The following RTN4 variants were observed in gnomAD, a reference collection of about 807,000 sequenced individuals.
RTN4 encodes the protein reticulon-4.
RTN4 carries 32 observed loss-of-function variants against 90.4 expected under a neutral mutation model. That is an observed-to-expected ratio of 0.35 (90% CI 0.27 to 0.48). The LOEUF (loss-of-function observed/expected upper bound fraction) is 0.48. Among genes scored for constraint, RTN4 ranks in the 20% least tolerant of loss-of-function variants. The pLI is 0.99. For missense variants in RTN4, 1,706 were observed against 1,430.2 expected (o/e 1.19, Z -3.11); for synonymous variants, 629 against 552.5 (o/e 1.14, Z -1.94).
chr2:55,039,316 C>A (rs771356654), intron 1 of RTN4, among the ~76,000 whole-genome samples: 1 of 152,152 alleles, frequency 6.6e-6, no homozygotes, highest in Non-Finnish European at 1.5e-5. Context: ...TATGGGCATT[C>A]TTCAACAAAT....
the RTN4 span, among the ~76,000 whole-genome samples, chr2:55,134,002 G>T: frequency 6.6e-6 from 1 of 152,154 alleles, no homozygotes; most frequent in African/African-American, 2.4e-5. Flanking sequence ...AACAAAGAGT[G>T]GATTTTCATG....
intron 5 of RTN4, among the ~76,000 whole-genome samples, chr2:54,980,839 T>C (rs1319828410): frequency 6.6e-6 from 1 of 152,184 alleles, no homozygotes; most frequent in Non-Finnish European, 1.5e-5. Flanking sequence ...CTCAATCACT[T>C]TTCACACATG....
At chr2:55,120,965 G>A in the RTN4 span, among the ~76,000 whole-genome samples, 1 of 152,120 alleles carries the variant, frequency 6.6e-6, no homozygotes, top group Non-Finnish European at 1.5e-5. Flanking sequence ...GGAAACCCTG[G>A]TGGCCACCAG....
chr2:54,980,271 G>A (rs1324422903), intron 5 of RTN4, among the ~76,000 whole-genome samples: 7 of 152,098 alleles, frequency 4.6e-5, no homozygotes. Context: ...AAATACGTGT[G>A]CAAAACAGAG....
At chr2:55,024,986 T>C in intron 3 of RTN4, 100 bp downstream of exon 3, 1 of 1,370,742 alleles carries the variant, frequency 7.3e-7, no homozygotes, top group East Asian at 2.3e-5. Context: ...ATGTGACATA[T>C]GAGACACTAT....
At chr2:55,114,980 G>T (rs2968782), upstream of RTN4, among the ~76,000 whole-genome samples, 92,153 of 151,882 alleles carry the variant, frequency 0.61, 28,372 homozygotes, top group African/African-American at 0.72. Context: ...CATGTGGGCT[G>T]ACAGGTTTCA....
chr2:54,973,468 A>ATTTG (rs1317220555), intron 8 of RTN4, 95 bp downstream of exon 8: 1 of 988,990 alleles, frequency 1.0e-6, no homozygotes, highest in Admixed American at 1.9e-5. Flanking sequence ...TCTGATAGAG[A>ATTTG]TTTGTTACTC....
intron 2 of RTN4, among the ~76,000 whole-genome samples, chr2:55,060,935 T>A (rs1668278536): frequency 6.6e-6 from 1 of 152,162 alleles, no homozygotes; most frequent in African/African-American, 2.4e-5. Flanking sequence ...AAAGAAGACT[T>A]CTTGTTGGCC....
intron 1 of RTN4, among the ~76,000 whole-genome samples, chr2:55,098,466 G>A (rs1667791820): frequency 6.6e-6 from 1 of 151,756 alleles, no homozygotes; most frequent in African/African-American, 2.4e-5. Context: ...ATCAACGCAG[G>A]GTCAATTCTC....
At chr2:55,129,457 G>A in the RTN4 span, among the ~76,000 whole-genome samples, 1 of 152,116 alleles carries the variant, frequency 6.6e-6, no homozygotes, top group African/African-American at 2.4e-5. Flanking sequence ...ACACATAGCT[G>A]TAGTCCCAGC....
intron 3 of RTN4, among the ~76,000 whole-genome samples, chr2:55,001,971 T>C (rs1360098309): frequency 6.6e-6 from 1 of 152,184 alleles, no homozygotes; most frequent in Non-Finnish European, 1.5e-5. Context: ...AACTAAATTA[T>C]GTTAAGAATG....
At chr2:55,078,793 G>C (rs574883508) in intron 2 of RTN4, among the ~76,000 whole-genome samples, 10 of 152,302 alleles carry the variant, frequency 6.6e-5, no homozygotes, top group African/African-American at 1.7e-4. Context: ...TGTGAAATTT[G>C]AGGTTACTAA....
At chr2:55,064,126 G>A (rs1668349704) in intron 2 of RTN4, among the ~76,000 whole-genome samples, 1 of 150,848 alleles carries the variant, frequency 6.6e-6, no homozygotes, top group Admixed American at 6.6e-5. Context: ...GGAGGCTGAG[G>A]CAGGAGGATT....
At chr2:54,996,022 C>T (rs1206910432) in intron 3 of RTN4, among the ~76,000 whole-genome samples, 2 of 152,122 alleles carry the variant, frequency 1.3e-5, no homozygotes, top group Non-Finnish European at 1.5e-5. Flanking sequence ...TCCAGCAAGG[C>T]TGTAGGACAC....
rs116157926 is a variant in RTN4, at chr2:55,071,146, G to T, written c.-63+9343C>A. 5.3e-3 allele frequency among the ~76,000 whole-genome samples: 791 copies of T among 149,840 alleles called. 6 individuals carry two copies. Among genetic ancestry groups the T allele is most frequent in the African/African-American group, 0.018 (752 of 40,804 alleles). Reference sequence around the variant, plus strand: ...AGCCCAGTCTAAGTTCCTGGAAATGGTTTCAAATTATGCTTAGCTTCTACA... The same window carrying T: ...AGCCCAGTCTAAGTTCCTGGAAATGTTTTCAAATTATGCTTAGCTTCTACA... On this transcript the variant is annotated intron_variant, in intron 2 of 3. Coordinates refer to the RTN4 transcript ENST00000427710.
intron 1 of RTN4, among the ~76,000 whole-genome samples, chr2:55,098,444 A>T (rs549699526): frequency 6.6e-6 from 1 of 152,222 alleles, no homozygotes; most frequent in Non-Finnish European, 1.5e-5. Context: ...CCATCACCCA[A>T]CTTCAATAAT....
At chr2:55,128,736 G>T in the RTN4 span, among the ~76,000 whole-genome samples, 1 of 151,598 alleles carries the variant, frequency 6.6e-6, no homozygotes, top group Non-Finnish European at 1.5e-5. Context: ...TCTGAAGCAG[G>T]TATTACAAGC....
At chr2:55,103,123 A>C (rs2105058305) in intron 1 of RTN4, among the ~76,000 whole-genome samples, 1 of 152,018 alleles carries the variant, frequency 6.6e-6, no homozygotes, top group South Asian at 2.1e-4. Flanking sequence ...AAAAAAAAAA[A>C]AAGGAAGTAT....
At chr2:55,091,482 A>G (rs1056459448) in intron 1 of RTN4, among the ~76,000 whole-genome samples, 1 of 152,132 alleles carries the variant, frequency 6.6e-6, no homozygotes, top group Non-Finnish European at 1.5e-5. Context: ...ATTTTCCTGT[A>G]ACACTTACTT....
Sources: allele counts gnomAD v4.1 joint callset (sites outside exome capture counted in the v4.1 genomes callset), GRCh38; gene constraint gnomAD v4.1.1; transcripts MANE v1.5; gene names NCBI Gene and HGNC (gene_info 2026-07-23, HGNC 2026-07-21).